The following ASB2 variants were observed in gnomAD, a reference collection of about 807,000 sequenced individuals.
ASB2 encodes ankyrin repeat and SOCS box protein 2.
In ASB2, 58 loss-of-function variants were observed where a neutral mutation model predicts 62.4. That is an observed-to-expected ratio of 0.93 (90% CI 0.75 to 1.16). The LOEUF is 1.16. Among genes scored for constraint, ASB2 ranks in the 50% most tolerant of loss-of-function variants. ASB2 has a pLI of 0.00. For missense variants in ASB2, 928 were observed against 887.9 expected (o/e 1.05, Z -0.57); for synonymous variants, 386 against 385.3 (o/e 1.00, Z -0.02).
intron 9 of ASB2, among the ~76,000 whole-genome samples, chr14:93,937,064 G>C (rs1366848479): frequency 6.6e-6 from 1 of 152,172 alleles, no homozygotes; most frequent in Non-Finnish European, 1.5e-5. Flanking sequence ...CAGCTGAAAG[G>C]AGCTGGACAA....
intron 9 of ASB2, among the ~76,000 whole-genome samples, chr14:93,935,552 C>CGGT (rs1888244135): frequency 6.6e-6 from 1 of 152,106 alleles, no homozygotes; most frequent in South Asian, 2.1e-4. Context: ...CCACAAGAGA[C>CGGT]GGTGCCCTCT....
At chr14:93,935,984 T>C (rs1197922563) in intron 9 of ASB2, among the ~76,000 whole-genome samples, 1 of 152,208 alleles carries the variant, frequency 6.6e-6, no homozygotes, top group Non-Finnish European at 1.5e-5. Context: ...AATGGCTGAA[T>C]TGGAATAATT....
intron 2 of ASB2, chr14:93,957,380 G>A: frequency 9.8e-7 from 1 of 1,020,838 alleles, no homozygotes; most frequent in Non-Finnish European, 1.2e-6. Flanking sequence ...AGCTCATTAG[G>A]GGATCTTGTC....
intron 7 of ASB2, among the ~76,000 whole-genome samples, chr14:93,944,744 A>C (rs1258938239): frequency 6.6e-6 from 1 of 152,222 alleles, no homozygotes; most frequent in Non-Finnish European, 1.5e-5. Flanking sequence ...AGGTTGAATA[A>C]CCAGGGAATT....
chr14:93,937,985 C>G (rs1235565982), intron 8 of ASB2, 134 bp from the exon 9 acceptor site: 1 of 914,894 alleles, frequency 1.1e-6, no homozygotes, highest in East Asian at 2.7e-5. Flanking sequence ...ACCATGTCCC[C>G]TCAACACAGG....
intron 2 of ASB2, among the ~76,000 whole-genome samples, chr14:93,958,277 G>A (rs551962489): frequency 3.0e-4 from 45 of 152,332 alleles, no homozygotes; most frequent in Non-Finnish European, 5.9e-4. Context: ...TCCATCAACC[G>A]TAGATGGGGG....
intron 6 of ASB2, among the ~76,000 whole-genome samples, chr14:93,950,194 A>G (rs1019114285): frequency 4.6e-5 from 7 of 152,178 alleles, no homozygotes; most frequent in African/African-American, 1.7e-4. Flanking sequence ...TCCTCAACAG[A>G]TTCCTACAGT....
At chr14:93,968,500 C>T (rs73342072) in intron 1 of ASB2, among the ~76,000 whole-genome samples, 4,810 of 152,232 alleles carry the variant, frequency 0.032, 261 homozygotes, top group African/African-American at 0.11. Flanking sequence ...AAATCCAATG[C>T]TCTTTCTGGC....
chr14:93,964,654 C>G (rs1889528754), intron 1 of ASB2, 42 bp from the exon 2 acceptor site: 1 of 906,348 alleles, frequency 1.1e-6, no homozygotes, highest in Non-Finnish European at 1.7e-6. Flanking sequence ...AACAGTTTTG[C>G]AGGATAGCTA....
At chr14:93,969,094 G>A (rs2141319686) in intron 1 of ASB2, among the ~76,000 whole-genome samples, 1 of 152,310 alleles carries the variant, frequency 6.6e-6, no homozygotes, top group East Asian at 1.9e-4. Context: ...GGAGATATTA[G>A]CCAGTGTTAT....
intron 1 of ASB2, among the ~76,000 whole-genome samples, chr14:93,966,115 C>G (rs1301799651): frequency 6.6e-6 from 1 of 152,234 alleles, no homozygotes. Flanking sequence ...AGGCCAGCAC[C>G]TTATGTGAGG....
intron 1 of ASB2, among the ~76,000 whole-genome samples, chr14:93,970,215 C>T (rs1889722046): frequency 6.6e-6 from 1 of 152,172 alleles, no homozygotes; most frequent in Non-Finnish European, 1.5e-5. Flanking sequence ...AGAGGAGACA[C>T]AGCTGGGAAG....
Position 93,953,227 on chromosome 14 carries a change from A to G in ASB2, c.634+125T>C, listed in dbSNP as rs548039713. ...ATGCAGGAATGAATGATTCAGTTAC[A>G]TAAATTGTGCATTTGAGCAGGGCCA... On this transcript the variant is annotated intron_variant, in intron 5 of 9. Transcript: ENST00000555019. The G allele has an allele frequency of 4.9e-6, 4 of 815,660 alleles. No individual in the cohort carries two copies. The East Asian group carries it at 1.1e-4, about 22-fold the overall frequency. The allele number at this position is 815,660 out of a possible 1,614,324, so 50.5% of individuals were successfully genotyped here.
chr14:93,972,675 C>CA (rs1889793074), intron 1 of ASB2, among the ~76,000 whole-genome samples: 2 of 152,224 alleles, frequency 1.3e-5, no homozygotes, highest in South Asian at 4.1e-4. Context: ...CCTCTGGAGG[C>CA]TTCATCTCTG....
intron 2 of ASB2, among the ~76,000 whole-genome samples, chr14:93,961,555 A>G (rs1292781506): frequency 6.6e-6 from 1 of 152,250 alleles, no homozygotes; most frequent in African/African-American, 2.4e-5. Flanking sequence ...GTGAAAAACC[A>G]GCTGGCCCGG....
intron 7 of ASB2, chr14:93,940,261 C>T (rs1319540286): frequency 1.3e-5 from 2 of 152,638 alleles, no homozygotes; most frequent in African/African-American, 4.8e-5. Context: ...CTCCTAAAGG[C>T]TTTACAAGTG....
At chr14:93,941,378 C>T (rs538094712) in intron 7 of ASB2, 8 of 315,396 alleles carry the variant, frequency 2.5e-5, no homozygotes, top group Admixed American at 1.8e-4. Context: ...CCCATTCCCA[C>T]GCCTCTGGCC....
chr14:93,941,639 G>A (rs1005837514), intron 7 of ASB2: 14 of 455,884 alleles, frequency 3.1e-5, no homozygotes, highest in Middle Eastern at 3.3e-4. Flanking sequence ...TGGCGGCCAC[G>A]GCCAACAAAT....
chr14:93,975,914 C>T (rs1266747273), intron 1 of ASB2, among the ~76,000 whole-genome samples: 1 of 152,258 alleles, frequency 6.6e-6, no homozygotes, highest in Non-Finnish European at 1.5e-5. Context: ...AATAACATTC[C>T]TCCATTTCCT....
Sources: allele counts gnomAD v4.1 joint callset (sites outside exome capture counted in the v4.1 genomes callset), GRCh38; gene constraint gnomAD v4.1.1; transcripts MANE v1.5; gene names NCBI Gene and HGNC (gene_info 2026-07-23, HGNC 2026-07-21).